Variants in TLL1 observed in about 807,000 individuals in gnomAD.
The protein encoded by TLL1 is tolloid like 1.
In TLL1, 49 loss-of-function variants were observed where a neutral mutation model predicts 128.2. That is an observed-to-expected ratio of 0.38 (90% confidence interval 0.30 to 0.48). TLL1 has a LOEUF of 0.48. Ranked by LOEUF, TLL1 falls within the 20% of genes least tolerant of loss-of-function variation. The pLI, the probability that TLL1 is intolerant of heterozygous loss-of-function variation, is 0.96. For synonymous variants in TLL1, 454 were observed against 418.8 expected (o/e 1.08, Z -1.03); for missense variants, 1,123 against 1,242.0 (o/e 0.90, Z 1.44).
At chr4:166,091,466 C>T in intron 19 of TLL1, 125 bp downstream of exon 19, 1 of 787,044 alleles carries the variant, frequency 1.3e-6, no homozygotes, top group Non-Finnish European at 2.0e-6. Flanking sequence ...TTCACTGAAG[C>T]ACTTTGTGAA....
intron 1 of TLL1, among the ~76,000 whole-genome samples, chr4:165,963,448 G>A (rs12642389): frequency 1.3e-5 from 2 of 151,998 alleles, no homozygotes; most frequent in Non-Finnish European, 2.9e-5. Flanking sequence ...TTTCATGATG[G>A]CATTTTCAGT....
intron 6 of TLL1, among the ~76,000 whole-genome samples, chr4:166,003,823 G>A (rs1301346219): frequency 6.6e-6 from 1 of 151,600 alleles, no homozygotes; most frequent in African/African-American, 2.4e-5. Flanking sequence ...CTAAACTTTG[G>A]TGCTTTCCAA....
intron 1 of TLL1, among the ~76,000 whole-genome samples, chr4:165,899,243 C>CT (rs56864466): frequency 2.1e-4 from 32 of 151,632 alleles, no homozygotes; most frequent in Non-Finnish European, 1.5e-4. Context: ...ATCTTAGTTA[C>CT]TTTTTTTTGT....
At chr4:165,978,127 G>A (rs1735973753) in intron 1 of TLL1, among the ~76,000 whole-genome samples, 1 of 151,932 alleles carries the variant, frequency 6.6e-6, no homozygotes, top group South Asian at 2.1e-4. Flanking sequence ...TTGCTTTCTG[G>A]TATTACAATA....
At chr4:166,015,000 A>C (rs1213865205) in intron 8 of TLL1, among the ~76,000 whole-genome samples, 1 of 151,668 alleles carries the variant, frequency 6.6e-6, no homozygotes, top group Non-Finnish European at 1.5e-5. Flanking sequence ...CAATTTTATC[A>C]GTAGGAATTT....
chr4:166,027,584 G>T (rs1052112062), intron 9 of TLL1, among the ~76,000 whole-genome samples: 3 of 152,128 alleles, frequency 2.0e-5, no homozygotes, highest in African/African-American at 4.8e-5. Context: ...TATAAGTGTT[G>T]TAATATGATC....
At chr4:166,083,952 G>T (rs1006198011) in intron 18 of TLL1, among the ~76,000 whole-genome samples, 1 of 151,954 alleles carries the variant, frequency 6.6e-6, no homozygotes, top group Non-Finnish European at 1.5e-5. Context: ...TTAACTTTTC[G>T]AGGAGACTCC....
At chr4:166,088,179 T>C (rs1208016916) in intron 18 of TLL1, among the ~76,000 whole-genome samples, 1 of 152,128 alleles carries the variant, frequency 6.6e-6, no homozygotes, top group East Asian at 1.9e-4. Flanking sequence ...ATTGTGAACT[T>C]CCAAGACTTT....
intron 15 of TLL1, among the ~76,000 whole-genome samples, chr4:166,060,486 T>C (rs113384527): frequency 3.3e-5 from 5 of 152,228 alleles, no homozygotes; most frequent in African/African-American, 9.6e-5. Context: ...TCATGTCACA[T>C]AGACACTTCT....
At chr4:166,039,582 A>G (rs1043447152) in intron 10 of TLL1, 141 bp downstream of exon 10, 10 of 669,284 alleles carry the variant, frequency 1.5e-5, no homozygotes, top group Non-Finnish European at 2.1e-5. Context: ...ACTTTTTTCA[A>G]CCATACCAAA....
intron 18 of TLL1, among the ~76,000 whole-genome samples, chr4:166,087,004 A>G (rs1741549527): frequency 6.6e-6 from 1 of 152,190 alleles, no homozygotes; most frequent in South Asian, 2.1e-4. Context: ...TTCTTGCTAG[A>G]AAAGGGACAA....
At chr4:165,900,328 G>A (rs750835822) in intron 1 of TLL1, among the ~76,000 whole-genome samples, 25 of 150,622 alleles carry the variant, frequency 1.7e-4, no homozygotes, top group African/African-American at 3.2e-4. Context: ...TCTTCATAGC[G>A]TCAATGGTCT....
At chr4:165,889,580 G>C (rs1026889588) in intron 1 of TLL1, among the ~76,000 whole-genome samples, 1 of 152,220 alleles carries the variant, frequency 6.6e-6, no homozygotes, top group Non-Finnish European at 1.5e-5. Context: ...CAAGTTACCT[G>C]TACTGACTTG....
intron 8 of TLL1, among the ~76,000 whole-genome samples, chr4:166,017,585 C>T (rs934010329): frequency 6.6e-6 from 1 of 152,124 alleles, no homozygotes. Context: ...TTCTCTACAG[C>T]CTTGCAGGTG....
chr4:165,883,605 A>G (rs185967167), intron 1 of TLL1, among the ~76,000 whole-genome samples: 120 of 152,344 alleles, frequency 7.9e-4, no homozygotes, highest in Middle Eastern at 3.4e-3. Flanking sequence ...CATAACAAAC[A>G]CTGTATTATT....
Position 166,077,953 on chromosome 4 carries a change from A to C in TLL1, c.2365A>C (p.Asn789His). 2 of 1,613,668 alleles carry C rather than the reference A, an allele frequency of 1.2e-6. No homozygotes were observed. The highest frequency in any genetic ancestry group is 1.7e-6 in the Non-Finnish European group (2 of 1,179,760). Residue 789 changes from asparagine to histidine, a missense_variant, in exon 18 of 21, where the codon AAC becomes CAC. Around this residue, in one of 3 missense-constraint regions of TLL1, gnomAD observed 634 missense variants for 672.4 expected, o/e 0.94. Transcript: ENST00000061240. ...HSPSGLITSPNWPDKYPSRKE... is the reference protein window; with the variant it reads ...HSPSGLITSPHWPDKYPSRKE... ...TCCAAGTGGCCTCATCACCAGTCCC[A>C]ACTGGCCAGACAAGTACCCAAGCAG...
intron 10 of TLL1, 57 bp downstream of exon 10, chr4:166,039,498 A>C: frequency 1.6e-6 from 2 of 1,268,210 alleles, no homozygotes; most frequent in Non-Finnish European, 2.3e-6. Flanking sequence ...CGTCCAAAAA[A>C]ACCAACCGAT....
chr4:166,058,269 T>C (rs928894382), intron 14 of TLL1, among the ~76,000 whole-genome samples: 9 of 152,120 alleles, frequency 5.9e-5, no homozygotes, highest in African/African-American at 2.2e-4. Flanking sequence ...CCTCCATTTC[T>C]CCATCCATCC....
chr4:166,066,205 T>G (rs940056980), intron 16 of TLL1, among the ~76,000 whole-genome samples: 2 of 151,546 alleles, frequency 1.3e-5, no homozygotes, highest in African/African-American at 2.4e-5. Flanking sequence ...TATTATTAAG[T>G]TAATATTAAA....
Sources: gnomAD v4.1 joint callset for allele counts (sites outside exome capture counted in the v4.1 genomes callset) on GRCh38, gnomAD v4.1.1 for gene constraint, gnomAD v4.1.1 regional missense constraint, MANE v1.5 for transcripts, NCBI Gene and HGNC (gene_info 2026-07-23, HGNC 2026-07-21) for gene names.